SYT1: variants seen among roughly 807,000 people sequenced by gnomAD.
SYT1 encodes synaptotagmin-1.
Under a neutral mutation model 44.8 loss-of-function variants are expected in SYT1, and 8 were observed. The observed-to-expected ratio is 0.18, with a 90% CI of 0.10 to 0.32. The LOEUF is 0.32. Ranked by LOEUF, SYT1 falls within the 10% of genes least tolerant of loss-of-function variation. The pLI, the probability that SYT1 is intolerant of heterozygous loss-of-function variation, is 1.00. For missense variants in SYT1, 286 were observed against 509.3 expected (o/e 0.56, Z 4.22); for synonymous variants, 154 against 188.8 (o/e 0.82, Z 1.51).
chr12:79,448,771 T>C, intron 10 of SYT1, 147 bp from the exon 11 acceptor site: 2 of 683,062 alleles, frequency 2.9e-6, no homozygotes, highest in Non-Finnish European at 5.0e-6. Flanking sequence ...AACGTTTGAG[T>C]ATTAAGATTC....
intron 8 of SYT1, among the ~76,000 whole-genome samples, chr12:79,340,741 C>G (rs560809519): frequency 3.3e-5 from 5 of 152,206 alleles, no homozygotes; most frequent in Non-Finnish European, 7.4e-5. Flanking sequence ...GGGGGTGAAA[C>G]AGTGTTTCAT....
At chr12:79,179,468 TATAG>T (rs1300395996) in intron 3 of SYT1, among the ~76,000 whole-genome samples, 1 of 107,934 alleles carries the variant, frequency 9.3e-6, no homozygotes, top group Non-Finnish European at 1.9e-5. Flanking sequence ...TCTATATAGA[TATAG>T]ATATAGAGAT....
chr12:79,449,739 AT>A lies in SYT1; in HGVS notation c.*616del, dbSNP rs1870941891. 1.3e-5 allele frequency: 2 copies of A among 152,426 alleles called. No homozygotes were observed. The highest frequency in any genetic ancestry group is 2.9e-5 in the Non-Finnish European group (2 of 68,220). 9.4% of individuals were successfully genotyped at this position (152,426 alleles called of 1,614,324 possible). ...TTTGTAGAATTCCTACACAGGCAAA[AT>A]AGCATGATCTGAGCAGCAGCATCCA... On this transcript the variant is annotated 3_prime_UTR_variant, in exon 11 of 11. Coordinates refer to ENST00000261205, the MANE Select transcript of SYT1 (RefSeq NM_005639.3).
At chr12:79,008,160 A>G (rs541507137) in intron 2 of SYT1, among the ~76,000 whole-genome samples, 4 of 152,134 alleles carry the variant, frequency 2.6e-5, no homozygotes, top group African/African-American at 9.6e-5. Flanking sequence ...GGCTGTCTGA[A>G]ATGGTCACCT....
At chr12:78,978,677 G>A (rs1869023736) in intron 2 of SYT1, among the ~76,000 whole-genome samples, 1 of 152,158 alleles carries the variant, frequency 6.6e-6, no homozygotes. Flanking sequence ...ATTATCTCAT[G>A]ATCTTTATTT....
intron 4 of SYT1, among the ~76,000 whole-genome samples, chr12:79,275,921 A>G (rs1878690184): frequency 6.6e-6 from 1 of 152,222 alleles, no homozygotes; most frequent in African/African-American, 2.4e-5. Flanking sequence ...CATAGCTACT[A>G]CAAGCAGCAT....
At chr12:78,999,337 T>C (rs1017976757) in intron 2 of SYT1, among the ~76,000 whole-genome samples, 1 of 152,192 alleles carries the variant, frequency 6.6e-6, no homozygotes, top group Admixed American at 6.5e-5. Context: ...TGTATATCTA[T>C]AGTTTCACTT....
chr12:79,220,059 A>G (rs893336915), intron 4 of SYT1, among the ~76,000 whole-genome samples: 4 of 151,976 alleles, frequency 2.6e-5, no homozygotes, highest in Non-Finnish European at 5.9e-5. Context: ...TAAGGTCTTC[A>G]CTTATGGGAG....
intron 4 of SYT1, among the ~76,000 whole-genome samples, chr12:79,282,906 C>T (rs1405697218): frequency 6.6e-6 from 1 of 152,104 alleles, no homozygotes; most frequent in East Asian, 1.9e-4. Flanking sequence ...AAACTTTTAG[C>T]CTGATCCAAA....
chr12:79,410,035 CA>C (rs1191072926), intron 9 of SYT1, among the ~76,000 whole-genome samples: 2 of 151,958 alleles, frequency 1.3e-5, no homozygotes, highest in Non-Finnish European at 2.9e-5. Flanking sequence ...ATGGCCATTT[CA>C]AAAATTATTT....
At chr12:79,132,539 A>G (rs1052163049) in intron 3 of SYT1, among the ~76,000 whole-genome samples, 1 of 152,044 alleles carries the variant, frequency 6.6e-6, no homozygotes, top group African/African-American at 2.4e-5. Flanking sequence ...CCGCAATAAA[A>G]TCATCTTAAC....
chr12:78,983,131 A>G (rs1358158317), intron 2 of SYT1, among the ~76,000 whole-genome samples: 2 of 151,300 alleles, frequency 1.3e-5, no homozygotes, highest in Admixed American at 1.3e-4. Context: ...ATTTTAGCCT[A>G]CTTGATTCTT....
intron 3 of SYT1, among the ~76,000 whole-genome samples, chr12:79,195,188 G>A (rs1200444645): frequency 1.3e-5 from 2 of 152,136 alleles, no homozygotes; most frequent in East Asian, 3.8e-4. Flanking sequence ...CGTAGGTGCT[G>A]GATGTCAGTG....
At chr12:79,362,465 A>G (rs1056277591) in intron 9 of SYT1, among the ~76,000 whole-genome samples, 6 of 152,160 alleles carry the variant, frequency 3.9e-5, no homozygotes, top group African/African-American at 1.2e-4. Flanking sequence ...AGAAGATTTT[A>G]TAAATAAAAG....
intron 3 of SYT1, among the ~76,000 whole-genome samples, chr12:79,065,402 G>C (rs1201591624): frequency 6.6e-6 from 1 of 152,074 alleles, no homozygotes; most frequent in Non-Finnish European, 1.5e-5. Flanking sequence ...AAAGAGAGGA[G>C]TGGAGGGGAG....
chr12:78,866,935 T>C (rs868431687), intron 1 of SYT1, among the ~76,000 whole-genome samples: 18 of 152,236 alleles, frequency 1.2e-4, no homozygotes, highest in African/African-American at 4.3e-4. Context: ...CTGAATTCAT[T>C]TGCCATCAGT....
intron 4 of SYT1, among the ~76,000 whole-genome samples, chr12:79,242,889 A>G (rs1252975858): frequency 1.3e-5 from 2 of 152,194 alleles, no homozygotes; most frequent in African/African-American, 4.8e-5. Context: ...AGTCATTTTT[A>G]TACTGCTATG....
At chr12:79,239,609 G>A in intron 4 of SYT1, among the ~76,000 whole-genome samples, 1 of 152,280 alleles carries the variant, frequency 6.6e-6, no homozygotes, top group Admixed American at 6.5e-5. Context: ...TCTAAAAAAA[G>A]TTTGTTAAAA....
intron 4 of SYT1, among the ~76,000 whole-genome samples, chr12:79,285,274 T>A (rs948287951): frequency 2.6e-5 from 4 of 152,252 alleles, no homozygotes; most frequent in African/African-American, 9.6e-5. Context: ...ATTTTATAGA[T>A]GAGTAATAGC....
Sources: gnomAD v4.1 joint callset for allele counts (sites outside exome capture counted in the v4.1 genomes callset) on GRCh38, gnomAD v4.1.1 for gene constraint, MANE v1.5 for transcripts, NCBI Gene and HGNC (gene_info 2026-07-23, HGNC 2026-07-21) for gene names.